Variants in ZBTB20 observed in about 807,000 individuals in gnomAD.
The protein encoded by ZBTB20 is zinc finger and BTB domain containing 20, also known as zinc finger and BTB domain-containing protein 20.
In ZBTB20, 9 loss-of-function variants were observed where a neutral mutation model predicts 56.9. The observed-to-expected ratio is 0.16, with a 90% confidence interval of 0.10 to 0.28. The LOEUF (loss-of-function observed/expected upper bound fraction) is 0.28. Ranked by LOEUF, ZBTB20 falls within the 10% of genes least tolerant of loss-of-function variation. The pLI, the probability that ZBTB20 is intolerant of heterozygous loss-of-function variation, is 1.00. For synonymous variants in ZBTB20, 417 were observed against 420.7 expected (o/e 0.99, Z 0.11); for missense variants, 655 against 1,003.0 (o/e 0.65, Z 4.69).
chr3:115,104,600 C>T (rs1331874611), intron 1 of ZBTB20, among the ~76,000 whole-genome samples: 1 of 152,070 alleles, frequency 6.6e-6, no homozygotes, highest in Non-Finnish European at 1.5e-5. Flanking sequence ...AAAAGATTGC[C>T]TTCTATCCAC....
At chr3:114,458,372 C>G (rs1408377350) in intron 7 of ZBTB20, among the ~76,000 whole-genome samples, 2 of 152,042 alleles carry the variant, frequency 1.3e-5, no homozygotes, top group Non-Finnish European at 2.9e-5. Context: ...TCTAAATGAT[C>G]AGTGTATAGT....
chr3:114,895,239 A>G (rs769961877), intron 4 of ZBTB20, among the ~76,000 whole-genome samples: 1 of 152,208 alleles, frequency 6.6e-6, no homozygotes, highest in Non-Finnish European at 1.5e-5. Flanking sequence ...CGATTTATGC[A>G]CTGACAACTA....
intron 3 of ZBTB20, among the ~76,000 whole-genome samples, chr3:114,946,425 T>C (rs260177): frequency 0.66 from 95,009 of 144,254 alleles, 34,954 homozygotes; most frequent in Non-Finnish European, 0.78. Flanking sequence ...AGTCAAAAAT[T>C]GGGGTCTTTT....
chr3:114,340,206 C>T (rs982755002), intron 11 of ZBTB20, among the ~76,000 whole-genome samples: 18 of 152,090 alleles, frequency 1.2e-4, no homozygotes, highest in Non-Finnish European at 7.4e-5. Flanking sequence ...ACACACTACA[C>T]TCCACTCTGA....
intron 6 of ZBTB20, among the ~76,000 whole-genome samples, chr3:114,667,117 T>C (rs1284860803): frequency 6.6e-6 from 1 of 152,008 alleles, no homozygotes; most frequent in Admixed American, 6.6e-5. Flanking sequence ...GAGGTTGCAA[T>C]TTCTTTGAAT....
intron 5 of ZBTB20, among the ~76,000 whole-genome samples, chr3:114,795,451 T>A (rs541747166): frequency 6.6e-6 from 1 of 152,138 alleles, no homozygotes; most frequent in African/African-American, 2.4e-5. Flanking sequence ...GAAGTCCTTT[T>A]AGTTCTTTGA....
rs1235597379 is a variant in ZBTB20 at position 114,333,445 on chromosome 3, G to C, written c.*5560C>G. 6.6e-6 allele frequency: 1 copy of C among 152,192 alleles called. No individual in the cohort carries two copies. Among genetic ancestry groups the C allele is most frequent in the Non-Finnish European group, 1.5e-5 (1 of 68,060 alleles). 9.4% of individuals were successfully genotyped at this position (152,192 alleles called of 1,614,324 possible). A position where few individuals can be genotyped will look rare whatever the true frequency, so the allele number is the denominator to read the frequency against. ...GCCGTTTTCTTCATGAAAACACAAA[G>C]AGGGGAAAGAGGCTGCTGCTGTTCC... On this transcript the variant is annotated 3_prime_UTR_variant, in exon 12 of 12. Coordinates refer to ENST00000675478, the MANE Select transcript of ZBTB20 (RefSeq NM_001348800.3).
chr3:114,585,979 C>T (rs1577766148), intron 6 of ZBTB20, among the ~76,000 whole-genome samples: 1 of 152,150 alleles, frequency 6.6e-6, no homozygotes, highest in Non-Finnish European at 1.5e-5. Flanking sequence ...TACTTTCCAT[C>T]GGGCTCTGTG....
chr3:114,692,663 CA>C (rs1414929090), intron 6 of ZBTB20, among the ~76,000 whole-genome samples: 4 of 152,112 alleles, frequency 2.6e-5, no homozygotes, highest in Non-Finnish European at 5.9e-5. Context: ...CAATGCAGGT[CA>C]GCCTCTAGCA....
chr3:114,864,875 ACTTC>A (rs2075697585), intron 4 of ZBTB20, among the ~76,000 whole-genome samples: 1 of 152,082 alleles, frequency 6.6e-6, no homozygotes, highest in Non-Finnish European at 1.5e-5. Context: ...TCATTGCCAC[ACTTC>A]TTCAATCTGC....
intron 6 of ZBTB20, among the ~76,000 whole-genome samples, chr3:114,505,100 T>C (rs1290585375): frequency 6.6e-6 from 1 of 152,162 alleles, no homozygotes; most frequent in East Asian, 1.9e-4. Flanking sequence ...AAAGCTATTA[T>C]TATACCCATT....
At chr3:114,701,187 T>C (rs766406568) in intron 5 of ZBTB20, among the ~76,000 whole-genome samples, 8 of 152,192 alleles carry the variant, frequency 5.3e-5, no homozygotes, top group African/African-American at 1.9e-4. Context: ...TTGATGTGAA[T>C]AGGCTTTCAG....
intron 7 of ZBTB20, among the ~76,000 whole-genome samples, chr3:114,457,490 G>T (rs1345293976): frequency 1.3e-5 from 2 of 152,154 alleles, no homozygotes; most frequent in Non-Finnish European, 2.9e-5. Flanking sequence ...TACTAGAAAG[G>T]ATTGGCAGTA....
At chr3:114,527,709 T>C (rs11720758) in intron 6 of ZBTB20, among the ~76,000 whole-genome samples, 9,815 of 152,292 alleles carry the variant, frequency 0.064, 403 homozygotes, top group Middle Eastern at 0.16. Flanking sequence ...ATGTTAAATA[T>C]GTGTATTTCC....
intron 6 of ZBTB20, among the ~76,000 whole-genome samples, chr3:114,536,385 A>T (rs548593095): frequency 6.6e-6 from 1 of 152,212 alleles, no homozygotes; most frequent in Non-Finnish European, 1.5e-5. Context: ...ACTTCCATTC[A>T]TAATTGCCAT....
chr3:114,973,110 G>C (rs1023044722), intron 3 of ZBTB20, among the ~76,000 whole-genome samples: 1 of 152,102 alleles, frequency 6.6e-6, no homozygotes, highest in Non-Finnish European at 1.5e-5. Context: ...GAAAACTTAC[G>C]TGCAAAGAGA....
At chr3:115,056,753 C>A (rs550961794) in intron 2 of ZBTB20, among the ~76,000 whole-genome samples, 4 of 152,192 alleles carry the variant, frequency 2.6e-5, no homozygotes, top group Admixed American at 1.3e-4. Flanking sequence ...TCAAATCTTA[C>A]CATCTCAATT....
intron 4 of ZBTB20, among the ~76,000 whole-genome samples, chr3:114,815,845 T>C (rs745958771): frequency 3.9e-5 from 6 of 152,198 alleles, no homozygotes; most frequent in Non-Finnish European, 5.9e-5. Flanking sequence ...GCAAATTTGA[T>C]GCTTAAAAGT....
intron 6 of ZBTB20, among the ~76,000 whole-genome samples, chr3:114,632,421 T>C (rs182760290): frequency 6.6e-6 from 1 of 152,318 alleles, no homozygotes; most frequent in African/African-American, 2.4e-5. Flanking sequence ...CATAAGTCCG[T>C]GTGATTCAGG....
Sources: allele counts gnomAD v4.1 joint callset (sites outside exome capture counted in the v4.1 genomes callset), GRCh38; gene constraint gnomAD v4.1.1; transcripts MANE v1.5; gene names NCBI Gene and HGNC (gene_info 2026-07-23, HGNC 2026-07-21).